The following HDAC4 variants were observed in gnomAD, a reference collection of about 807,000 sequenced individuals.
HDAC4 encodes the protein histone deacetylase 4.
In HDAC4, 16 loss-of-function variants were observed where a neutral mutation model predicts 135.1. The ratio of observed to expected loss-of-function variants is 0.12; its 90% CI spans 0.08 to 0.18. HDAC4 has a LOEUF of 0.18. HDAC4 is among the 10% of genes least tolerant of loss of function. The pLI is 1.00. For synonymous variants in HDAC4, 685 were observed against 653.4 expected, an observed-to-expected ratio of 1.05 and a Z score of -0.74; for missense variants, 1,143 against 1,511.8, an observed-to-expected ratio of 0.76 and a Z score of 4.05.
chr2:239,083,894 G>A (rs777110475), intron 20 of HDAC4, among the ~76,000 whole-genome samples: 17 of 152,228 alleles, frequency 1.1e-4, no homozygotes, highest in Non-Finnish European at 2.1e-4. Flanking sequence ...AGATCTCGTC[G>A]AGGGTGGCCC....
chr2:239,124,912 C>T (rs112301990), intron 12 of HDAC4, among the ~76,000 whole-genome samples: 15 of 123,322 alleles, frequency 1.2e-4, no homozygotes, highest in African/African-American at 2.2e-4. Flanking sequence ...TGTGACATTC[C>T]GGTGTGCTGG....
At chr2:239,298,244 A>G in intron 2 of HDAC4, 2 of 1,288,524 alleles carry the variant, frequency 1.6e-6, no homozygotes, top group Non-Finnish European at 2.0e-6. Flanking sequence ...CCTAAGATCA[A>G]ATCCAGGCTT....
chr2:239,340,228 G>T (rs1228984855), intron 2 of HDAC4, among the ~76,000 whole-genome samples: 1 of 152,188 alleles, frequency 6.6e-6, no homozygotes, highest in African/African-American at 2.4e-5. Flanking sequence ...GTTCACAGTA[G>T]GCTGTGCAAG....
intron 2 of HDAC4, among the ~76,000 whole-genome samples, chr2:239,328,626 A>T (rs2053536904): frequency 6.6e-6 from 1 of 152,178 alleles, no homozygotes; most frequent in Non-Finnish European, 1.5e-5. Context: ...AACACCAAAC[A>T]TTTCAGGAAA....
chr2:239,350,454 T>C (rs1370127970), intron 2 of HDAC4, among the ~76,000 whole-genome samples: 4 of 151,928 alleles, frequency 2.6e-5, no homozygotes, highest in Admixed American at 2.0e-4. Flanking sequence ...TAAAACAACA[T>C]ATAAAGAAAG....
intron 15 of HDAC4, among the ~76,000 whole-genome samples, chr2:239,104,102 C>A (rs1054995921): frequency 6.6e-6 from 1 of 152,254 alleles, no homozygotes; most frequent in Non-Finnish European, 1.5e-5. Context: ...TCCACATAAC[C>A]TAGTGCTGCT....
At chr2:239,324,724 T>G (rs2053419419) in intron 2 of HDAC4, among the ~76,000 whole-genome samples, 1 of 152,218 alleles carries the variant, frequency 6.6e-6, no homozygotes. Context: ...GAAACCCTGG[T>G]CAGTTGTTGT....
At chr2:239,096,961 G>C (rs2037162028) in intron 16 of HDAC4, among the ~76,000 whole-genome samples, 1 of 152,168 alleles carries the variant, frequency 6.6e-6, no homozygotes, top group Non-Finnish European at 1.5e-5. Flanking sequence ...GCAGGAGGCA[G>C]GGGGCAGCAG....
intron 1 of HDAC4, among the ~76,000 whole-genome samples, chr2:239,378,693 C>T (rs994951004): frequency 6.6e-6 from 1 of 152,004 alleles, no homozygotes; most frequent in African/African-American, 2.4e-5. Context: ...CCAATGAACC[C>T]GGGAACCAAT....
intron 3 of HDAC4, among the ~76,000 whole-genome samples, chr2:239,231,132 T>C (rs1273574822): frequency 6.6e-6 from 1 of 152,136 alleles, no homozygotes; most frequent in Non-Finnish European, 1.5e-5. Context: ...TTAAAAATGG[T>C]GCTTTTGAAA....
intron 8 of HDAC4, among the ~76,000 whole-genome samples, chr2:239,142,001 C>T (rs762148718): frequency 1.7e-4 from 26 of 151,974 alleles, no homozygotes; most frequent in Non-Finnish European, 3.4e-4. Flanking sequence ...TGCAGGATGG[C>T]GCAGGAAGAT....
intron 3 of HDAC4, among the ~76,000 whole-genome samples, chr2:239,211,915 C>T (rs910975116): frequency 4.1e-4 from 63 of 152,110 alleles, no homozygotes; most frequent in African/African-American, 1.5e-3. Flanking sequence ...GAGAGCAGTC[C>T]CGTGCCCTGC....
chr2:239,082,022 T>G lies in HDAC4; in HGVS notation c.2652+80A>C, dbSNP rs2035384001. The G allele has an allele frequency of 2.7e-6, 4 of 1,493,186 alleles. No homozygotes were observed. In the South Asian group the frequency reaches 4.5e-5, roughly 17 times the overall value. The allele number at this position is 1,493,186 out of a possible 1,614,324, so 92.5% of individuals were successfully genotyped here. On this transcript the variant is annotated intron_variant, in intron 21 of 26. Coordinates refer to ENST00000543185, the MANE Select transcript of HDAC4 (RefSeq NM_001378414.1). The stretch of plus-strand genomic sequence containing the variant: ...CGCACTCACTGCTGCCGGGCAGCTG[T>G]GGACCGTCTGCCCCGTGCCCCCACA...
At chr2:239,074,678 T>C (rs996107286) in intron 22 of HDAC4, among the ~76,000 whole-genome samples, 3 of 152,232 alleles carry the variant, frequency 2.0e-5, no homozygotes, top group East Asian at 1.9e-4. Flanking sequence ...GGTCAGAACG[T>C]GAGGTGCATG....
intron 15 of HDAC4, among the ~76,000 whole-genome samples, chr2:239,103,948 G>A (rs1249510285): frequency 5.3e-5 from 8 of 152,268 alleles, no homozygotes; most frequent in Admixed American, 4.6e-4. Flanking sequence ...GGGCAGGTGC[G>A]CTGGGCAGGG....
intron 2 of HDAC4, among the ~76,000 whole-genome samples, chr2:239,247,549 G>A (rs1375522660): frequency 6.6e-6 from 1 of 152,230 alleles, no homozygotes; most frequent in Non-Finnish European, 1.5e-5. Context: ...GGGCATCTGA[G>A]CCGAACAAGC....
At chr2:239,391,365 A>C (rs564541247) in intron 1 of HDAC4, among the ~76,000 whole-genome samples, 22 of 152,284 alleles carry the variant, frequency 1.4e-4, no homozygotes, top group African/African-American at 4.6e-4. Context: ...GACGTCCACC[A>C]CACCACGACC....
At chr2:239,369,464 G>A (rs1031145417) in intron 1 of HDAC4, among the ~76,000 whole-genome samples, 1 of 152,168 alleles carries the variant, frequency 6.6e-6, no homozygotes, top group Non-Finnish European at 1.5e-5. Context: ...CCAAGCATGT[G>A]AGCGAAACTC....
intron 22 of HDAC4, among the ~76,000 whole-genome samples, chr2:239,072,077 A>C (rs2034257259): frequency 1.3e-5 from 2 of 152,082 alleles, no homozygotes. Flanking sequence ...ACTTTTCATA[A>C]AGTATCAATG....
Sources: gnomAD v4.1 joint callset for allele counts (sites outside exome capture counted in the v4.1 genomes callset) on GRCh38, gnomAD v4.1.1 for gene constraint, MANE v1.5 for transcripts, NCBI Gene and HGNC (gene_info 2026-07-23, HGNC 2026-07-21) for gene names.